KATNBL1: variants seen among roughly 807,000 people sequenced by gnomAD.
KATNBL1 encodes the protein katanin regulatory subunit B1 like 1.
Under a neutral mutation model 44.7 loss-of-function variants are expected in KATNBL1, and 28 were observed. That is an observed-to-expected ratio of 0.63 (90% CI 0.46 to 0.86). The LOEUF (loss-of-function observed/expected upper bound fraction) is 0.86. Ranked by LOEUF, KATNBL1 falls within the 40% of genes least tolerant of loss-of-function variation. The pLI is 0.00. For synonymous variants in KATNBL1, 78 were observed against 114.9 expected (o/e 0.68, Z 2.06); for missense variants, 272 against 350.7 (o/e 0.78, Z 1.79).
chr15:34,165,166 T>A (rs1888925895), intron 1 of KATNBL1, among the ~76,000 whole-genome samples: 1 of 152,206 alleles, frequency 6.6e-6, no homozygotes, highest in Non-Finnish European at 1.5e-5. Flanking sequence ...AACTAGCATG[T>A]GCAGAACTGA....
At chr15:34,207,630 C>T (rs886525844) in intron 1 of KATNBL1, among the ~76,000 whole-genome samples, 1 of 166 alleles carries the variant, frequency 6.0e-3, no homozygotes, top group African/African-American at 0.022. Context: ...GTGAGCCACA[C>T]CAGTTCTGTG....
At position 34,196,455 on chromosome 15, in the gene KATNBL1, G is replaced by A. The variant is rs185276738; in HGVS notation, c.-15+13496C>T. Among the ~76,000 whole-genome samples, 6 of 151,290 alleles carry A rather than the reference G, an allele frequency of 4.0e-5. No individual in the cohort carries two copies. In the South Asian group the frequency reaches 6.3e-4, roughly 16 times the overall value. On this transcript the variant is annotated intron_variant, in intron 1 of 9. Transcript: ENST00000256544. ...AAATAATTTTTAAATGACTGGGCGCGGTGCCTCATGCCTGTCAATCCCAGC... is the reference window on the plus strand; with the variant it reads ...AAATAATTTTTAAATGACTGGGCGCAGTGCCTCATGCCTGTCAATCCCAGC...
chr15:34,209,508 A>G (rs1230765116), intron 1 of KATNBL1: 1 of 152,194 alleles, frequency 6.6e-6, no homozygotes, highest in Non-Finnish European at 1.5e-5. Flanking sequence ...CTGCGAAACA[A>G]AAGCTCATCC....
intron 1 of KATNBL1, among the ~76,000 whole-genome samples, chr15:34,183,379 T>C (rs1441528642): frequency 3.9e-5 from 6 of 152,166 alleles, no homozygotes; most frequent in East Asian, 1.9e-4. Context: ...CTACTTACTA[T>C]GCAGGTAGGT....
chr15:34,185,001 C>T (rs541659376), intron 1 of KATNBL1, among the ~76,000 whole-genome samples: 2 of 152,270 alleles, frequency 1.3e-5, no homozygotes, highest in African/African-American at 4.8e-5. Context: ...GACAGGGTCT[C>T]GCTCTGTGCC....
intron 1 of KATNBL1, among the ~76,000 whole-genome samples, chr15:34,196,850 T>TA (rs1890042399): frequency 6.6e-6 from 1 of 152,266 alleles, no homozygotes; most frequent in Non-Finnish European, 1.5e-5. Context: ...CCTAAACTGT[T>TA]ACAGTTTTAC....
intron 1 of KATNBL1, among the ~76,000 whole-genome samples, chr15:34,205,884 C>A (rs1316890853): frequency 6.6e-6 from 1 of 152,132 alleles, no homozygotes; most frequent in Non-Finnish European, 1.5e-5. Context: ...CCTAAGATTT[C>A]TTCCTCAATC....
At chr15:34,160,930 C>A (rs573246386) in intron 2 of KATNBL1, among the ~76,000 whole-genome samples, 2 of 152,160 alleles carry the variant, frequency 1.3e-5, no homozygotes, top group East Asian at 1.9e-4. Context: ...TCAACACCCC[C>A]CTGCTGGAGG....
intron 1 of KATNBL1, among the ~76,000 whole-genome samples, chr15:34,202,555 G>A (rs7176526): frequency 0.16 from 24,171 of 152,076 alleles, 2,083 homozygotes; most frequent in African/African-American, 0.21. Flanking sequence ...AAATCAGAAC[G>A]TATATTAAGG....
At position 34,191,154 on chromosome 15, in the gene KATNBL1, C is replaced by CATATATATATATATATATAT. The variant is rs57428240; in HGVS notation, c.-15+18777_-15+18796dup. Among the ~76,000 whole-genome samples the CATATATATATATATATATAT allele has an allele frequency of 5.3e-3, 717 of 135,976 alleles. 8 individuals carry two copies. Among genetic ancestry groups the CATATATATATATATATATAT allele is most frequent in the Non-Finnish European group, 7.4e-3 (467 of 62,746 alleles). 89.2% of individuals were successfully genotyped at this position (135,976 alleles called of 152,430 possible). Reference sequence around the variant, plus strand: ...CAAAAATTTCATATAAATCATAGACCATATATATATATATATATATATATA... The same window carrying CATATATATATATATATATAT: ...CAAAAATTTCATATAAATCATAGACCATATATATATATATATATATATATATATATATATATATATATATA... On this transcript the variant is annotated intron_variant, in intron 1 of 9. Transcript: ENST00000256544.
At chr15:34,184,365 A>C (rs1422953955) in intron 1 of KATNBL1, among the ~76,000 whole-genome samples, 2 of 150,870 alleles carry the variant, frequency 1.3e-5, no homozygotes, top group African/African-American at 4.9e-5. Flanking sequence ...CACTCGGGAA[A>C]GTCAGACAGC....
chr15:34,142,875 C>T (rs1888189816), intron 9 of KATNBL1: 3 of 338,362 alleles, frequency 8.9e-6, no homozygotes, highest in Admixed American at 4.1e-5. Flanking sequence ...CCACGCCCGG[C>T]TAATTTTTTG....
intron 1 of KATNBL1, among the ~76,000 whole-genome samples, chr15:34,187,772 C>T (rs998622704): frequency 2.0e-5 from 3 of 152,160 alleles, no homozygotes; most frequent in East Asian, 1.9e-4. Flanking sequence ...GTTCCTCCAT[C>T]GCTGTCCCAT....
intron 5 of KATNBL1, among the ~76,000 whole-genome samples, chr15:34,148,161 T>C (rs550450052): frequency 6.6e-6 from 1 of 152,232 alleles, no homozygotes; most frequent in African/African-American, 2.4e-5. Flanking sequence ...TCAAAAGGGA[T>C]TTTTAGAAGG....
intron 1 of KATNBL1, among the ~76,000 whole-genome samples, chr15:34,190,212 G>C (rs553850899): frequency 6.6e-6 from 1 of 152,264 alleles, no homozygotes; most frequent in East Asian, 1.9e-4. Flanking sequence ...CCAAAGTGCT[G>C]GGATTACAGG....
chr15:34,196,765 G>A (rs1397449924), intron 1 of KATNBL1, among the ~76,000 whole-genome samples: 5 of 152,106 alleles, frequency 3.3e-5, no homozygotes, highest in Admixed American at 3.3e-4. Context: ...TAAACATAAT[G>A]TATGATGCAT....
intron 2 of KATNBL1, among the ~76,000 whole-genome samples, chr15:34,159,487 A>G (rs1271962367): frequency 1.3e-5 from 2 of 152,248 alleles, no homozygotes; most frequent in Non-Finnish European, 2.9e-5. Flanking sequence ...ATAGGGAGAC[A>G]TACAGGGTTC....
At chr15:34,169,631 A>C (rs536740473) in intron 1 of KATNBL1, among the ~76,000 whole-genome samples, 2 of 151,138 alleles carry the variant, frequency 1.3e-5, no homozygotes, top group East Asian at 3.9e-4. Flanking sequence ...GCAGAGACAC[A>C]ACAAAAAAAG....
At chr15:34,197,224 G>A (rs76052492) in intron 1 of KATNBL1, among the ~76,000 whole-genome samples, 23,471 of 152,208 alleles carry the variant, frequency 0.15, 1,959 homozygotes, top group African/African-American at 0.21. Flanking sequence ...AAAATTTAAT[G>A]TGAAGTTGTA....
Sources: gnomAD v4.1 joint callset for allele counts (sites outside exome capture counted in the v4.1 genomes callset) on GRCh38, gnomAD v4.1.1 for gene constraint, MANE v1.5 for transcripts, NCBI Gene and HGNC (gene_info 2026-07-23, HGNC 2026-07-21) for gene names.